The following RAB11FIP3 variants were observed in gnomAD, a reference collection of about 807,000 sequenced individuals.
RAB11FIP3 encodes the protein rab11 family-interacting protein 3.
Under a neutral mutation model 77.8 loss-of-function variants are expected in RAB11FIP3, and 17 were observed. The observed-to-expected ratio is 0.22, with a 90% CI of 0.15 to 0.33. The LOEUF is 0.33. RAB11FIP3 is among the 10% of genes least tolerant of loss of function. RAB11FIP3 has a pLI of 1.00. For synonymous variants in RAB11FIP3, 437 were observed against 448.2 expected (o/e 0.98, Z 0.31); for missense variants, 1,005 against 1,011.2 (o/e 0.99, Z 0.08).
intron 1 of RAB11FIP3, among the ~76,000 whole-genome samples, chr16:458,119 G>A (rs12934407): frequency 0.4 from 60,792 of 152,112 alleles, 13,642 homozygotes; most frequent in Middle Eastern, 0.53. Context: ...GCTGGGGCTG[G>A]CCCTGTTTGA....
In RAB11FIP3 at chr16:520,785, C is replaced by G; in HGVS notation, c.2217C>G (p.Asp739Glu). Residue 739 changes from aspartate to glutamate, a missense_variant, in exon 14 of 14, where the codon GAC becomes GAG. Around this residue, in one of 4 missense-constraint regions of RAB11FIP3, gnomAD observed 90 missense variants for 129.7 expected, o/e 0.69. Transcript: ENST00000262305. ...ACTTCCGCCTGCAGGACTACATCGA[C>G]AGGATCATCGTGGCCATCATGGAGA... is the stretch of plus-strand genomic sequence containing the variant. ...EINFRLQDYI[D>E]RIIVAIMETN... 1 of 1,613,792 alleles carries G rather than the reference C, an allele frequency of 6.2e-7. No homozygotes were observed. The highest frequency in any genetic ancestry group is 8.5e-7 in the Non-Finnish European group (1 of 1,180,030).
At position 448,739 on chromosome 16, in the gene RAB11FIP3, A is replaced by G. The variant is rs1457797468; in HGVS notation, c.715-12665A>G. ...CAGCAGAACGAGACTCCGTCTCAAG[A>G]AAAAAAAAAAAAAAAAAAATACAAA... is the stretch of plus-strand genomic sequence containing the variant. On this transcript the variant is annotated intron_variant, in intron 1 of 13. Coordinates refer to ENST00000262305, the MANE Select transcript of RAB11FIP3 (RefSeq NM_014700.4). Among the ~76,000 whole-genome samples, 7 of 28,184 alleles carry G rather than the reference A, an allele frequency of 2.5e-4. No individual in the cohort carries two copies. The South Asian group carries it at 3.5e-3, about 14-fold the overall frequency. 18.5% of individuals were successfully genotyped at this position (28,184 alleles called of 152,430 possible).
intron 1 of RAB11FIP3, among the ~76,000 whole-genome samples, chr16:438,778 C>T (rs2055176750): frequency 6.6e-6 from 1 of 151,482 alleles, no homozygotes; most frequent in Non-Finnish European, 1.5e-5. Context: ...CAACCTCCGC[C>T]TCCCAGGTTC....
At chr16:482,944 C>T (rs982119471) in intron 4 of RAB11FIP3, among the ~76,000 whole-genome samples, 1 of 150,876 alleles carries the variant, frequency 6.6e-6, no homozygotes, top group Admixed American at 6.6e-5. Context: ...CTCCCTGTTC[C>T]AGCTGACTTT....
At position 461,638 on chromosome 16, in the gene RAB11FIP3, C is replaced by T; in HGVS notation, c.808+141C>T. On this transcript the variant is annotated intron_variant, in intron 2 of 13. Coordinates refer to ENST00000262305, the MANE Select transcript of RAB11FIP3 (RefSeq NM_014700.4). The surrounding 1 kb of genome is among the most constrained non-coding windows in gnomAD (Gnocchi z 4.5). ...AAGCCCCCAACATACCCCAGGTTTC[C>T]AGGTGGTCTCTTTCCTTTCTTGTTA... 1.6e-6 allele frequency: 1 copy of T among 629,570 alleles called. No individual in the cohort carries two copies. The highest frequency in any genetic ancestry group is 2.7e-6 in the Non-Finnish European group (1 of 368,822). 39.0% of individuals were successfully genotyped at this position (629,570 alleles called of 1,614,324 possible).
rs772628118 is a variant in RAB11FIP3 at position 520,755 on chromosome 16, G to C, written c.2187G>C (p.Glu729Asp). The C allele has an allele frequency of 2.5e-6, 4 of 1,613,764 alleles. No individual in the cohort carries two copies. The highest frequency in any genetic ancestry group is 3.4e-6 in the Non-Finnish European group (4 of 1,180,002). ...TGGAGGCGATTCAGAAGCAGGAGGA[G>C]ATCAACTTCCGCCTGCAGGACTACA... The part of the protein sequence containing the change: ...ELMEAIQKQE[E>D]INFRLQDYID... Residue 729 changes from glutamate to aspartate, a missense_variant, in exon 14 of 14, where the codon GAG (glutamate) becomes GAC (aspartate). Glu to Asp is a conservative substitution (Grantham distance 45, BLOSUM62 2). This residue lies in a region of RAB11FIP3 where 90 missense variants were observed against 129.7 expected (regional missense o/e 0.69). Coordinates refer to ENST00000262305, the MANE Select transcript of RAB11FIP3 (RefSeq NM_014700.4).
Position 459,406 on chromosome 16 carries a change from G to A in RAB11FIP3, c.715-1998G>A, listed in dbSNP as rs141807816. ...CTCCCAAAGTGCTGGGATTATAGGC[G>A]TGAACCACCACACCCAGCTTCAAAC... is the stretch of plus-strand genomic sequence containing the variant. On this transcript the variant is annotated intron_variant, in intron 1 of 13. Transcript: ENST00000262305. 1.9e-3 allele frequency among the ~76,000 whole-genome samples: 277 copies of A among 147,068 alleles called. 3 individuals are homozygous for A. Among genetic ancestry groups the A allele is most frequent in the African/African-American group, 6.2e-3 (247 of 39,736 alleles).
At position 477,554 on chromosome 16, in the gene RAB11FIP3, G is replaced by A. The variant is rs1375231393; in HGVS notation, c.904-4971G>A. The A allele has an allele frequency of 4.4e-6, 4 of 910,880 alleles. No individual in the cohort carries two copies. The African/African-American group carries it at 5.4e-5, about 12-fold the overall frequency. The allele number at this position is 910,880 out of a possible 1,614,324, so 56.4% of individuals were successfully genotyped here. A position where few individuals can be genotyped will look rare whatever the true frequency, so the allele number is the denominator to read the frequency against. The stretch of plus-strand genomic sequence containing the variant: ...CCTGCCTGCTTTCCTGGCCACTCCC[G>A]CCTTTTCCTGCCTGGCGTCCCGCAG... On this transcript the variant is annotated intron_variant, in intron 3 of 13. Transcript: ENST00000262305.
chr16:442,129 G>A (rs1380374492), intron 1 of RAB11FIP3, among the ~76,000 whole-genome samples: 1 of 152,126 alleles, frequency 6.6e-6, no homozygotes, highest in Admixed American at 6.6e-5. Flanking sequence ...GAGCCACCGC[G>A]CCTGGCCTCA....
At chr16:466,762 T>A (rs1229907662) in intron 2 of RAB11FIP3, among the ~76,000 whole-genome samples, 1 of 152,130 alleles carries the variant, frequency 6.6e-6, no homozygotes. Flanking sequence ...TCCCCTTCTC[T>A]CTTTGCTGTC....
intron 1 of RAB11FIP3, among the ~76,000 whole-genome samples, chr16:457,002 G>A (rs1401289154): frequency 6.6e-6 from 1 of 152,020 alleles, no homozygotes; most frequent in African/African-American, 2.4e-5. Flanking sequence ...GATCTAGTGT[G>A]AAGTTTACAG....
intron 1 of RAB11FIP3, among the ~76,000 whole-genome samples, chr16:434,908 A>G (rs995944583): frequency 1.6e-4 from 25 of 152,106 alleles, no homozygotes; most frequent in African/African-American, 5.3e-4. Context: ...ACTGTCTACT[A>G]AAAATACAAG....
At chr16:431,939 A>G (rs931220687) in intron 1 of RAB11FIP3, among the ~76,000 whole-genome samples, 1 of 151,618 alleles carries the variant, frequency 6.6e-6, no homozygotes, top group Non-Finnish European at 1.5e-5. Flanking sequence ...TTGTATTTTT[A>G]TTAGAGATGA....
chr16:488,414 ATTTT>A (rs35375406), intron 4 of RAB11FIP3, among the ~76,000 whole-genome samples: 2 of 148,312 alleles, frequency 1.3e-5, no homozygotes, highest in African/African-American at 4.9e-5. Context: ...TTATTTATTT[ATTTT>A]TTTTTTTTGA....
intron 5 of RAB11FIP3, among the ~76,000 whole-genome samples, chr16:492,995 C>A (rs1302075212): frequency 6.6e-6 from 1 of 152,138 alleles, no homozygotes; most frequent in Non-Finnish European, 1.5e-5. Context: ...CGCCTGTAAT[C>A]TCAGCATTTT....
chr16:440,478 G>A (rs1009741064), intron 1 of RAB11FIP3, among the ~76,000 whole-genome samples: 3 of 152,136 alleles, frequency 2.0e-5, no homozygotes, highest in African/African-American at 7.2e-5. Flanking sequence ...AAGTCCAAGG[G>A]AGGCTCTTGC....
Position 461,591 on chromosome 16 carries a change from C to G in RAB11FIP3, c.808+94C>G. ...CATCACCAGGCTCCTCGTGCTGACT[C>G]TAACATCTTTCCTTCTCCTTGAAGC... On this transcript the variant is annotated intron_variant, in intron 2 of 13. Transcript: ENST00000262305. This position sits in a 1 kb window ranked among gnomAD's most constrained non-coding sequence, Gnocchi z 4.5. The G allele has an allele frequency of 9.7e-7, 1 of 1,036,102 alleles. No homozygotes were observed. The highest frequency in any genetic ancestry group is 1.5e-6 in the Non-Finnish European group (1 of 679,430). The allele number at this position is 1,036,102 out of a possible 1,614,324, so 64.2% of individuals were successfully genotyped here.
In RAB11FIP3 at chr16:507,023, A is replaced by AC. The variant is rs1444707741; in HGVS notation, c.1499+1397dup. 6.6e-6 allele frequency among the ~76,000 whole-genome samples: 1 copy of AC among 151,786 alleles called. No individual in the cohort carries two copies. The highest frequency in any genetic ancestry group is 1.5e-5 in the Non-Finnish European group (1 of 67,996). ...GCTCTGTTGCTCAGGCTGAGTGCTGACTACAGCCTCCACCTCCCAGGCTCA... is the reference window on the plus strand; with the variant it reads ...GCTCTGTTGCTCAGGCTGAGTGCTGACCTACAGCCTCCACCTCCCAGGCTCA... On this transcript the variant is annotated intron_variant, in intron 8 of 13. Transcript: ENST00000262305. The surrounding 1 kb of genome is among the most constrained non-coding windows in gnomAD (Gnocchi z 4.6).
intron 1 of RAB11FIP3, among the ~76,000 whole-genome samples, chr16:458,495 C>CTGGGGGGCCTTCCTCGGGTTCAGT (rs2055542939): frequency 9.4e-5 from 3 of 32,014 alleles, no homozygotes; most frequent in Non-Finnish European, 9.4e-5. Context: ...TCGGGTTCAC[C>CTGGGGGGCCTTCCTCGGGTTCAGT]GATGCCCACA....
Sources: gnomAD v4.1 joint callset for allele counts (sites outside exome capture counted in the v4.1 genomes callset) on GRCh38, gnomAD v4.1.1 for gene constraint, gnomAD v4.1.1 regional missense constraint, Gnocchi (gnomAD v3.1) non-coding constraint, MANE v1.5 for transcripts, NCBI Gene and HGNC (gene_info 2026-07-23, HGNC 2026-07-21) for gene names.